Variants in PRR12 observed in about 807,000 individuals in gnomAD.
PRR12 encodes proline rich 12.
PRR12 carries 12 observed loss-of-function variants against 138.0 expected under a neutral mutation model. The observed-to-expected ratio is 0.09, with a 90% CI of 0.06 to 0.14. The LOEUF is 0.14. Among genes scored for constraint, PRR12 ranks in the 10% least tolerant of loss-of-function variants. The probability of loss-of-function intolerance (pLI) is 1.00; values close to 1 mark genes in which losing one functional copy is unlikely to be tolerated. For synonymous variants in PRR12, 1,567 were observed against 1,291.7 expected (o/e 1.21, Z -4.57); for missense variants, 2,692 against 2,861.3 (o/e 0.94, Z 1.35).
In PRR12 at chr19:49,616,001, C is replaced by T. The variant is rs933930411; in HGVS notation, c.5279C>T (p.Thr1760Ile). The part of the protein sequence containing the change: ...GERPLRGERA[T>I]SGRQTRPERS... The stretch of plus-strand genomic sequence containing the variant: ...CGGCCATTGCGGGGTGAGCGGGCCA[C>T]CAGCGGACGGCAGACACGGCCAGAG... The change falls in exon 9 of 14, where the codon ACC (threonine) becomes ATC (isoleucine). Residue 1760 changes from threonine (T) to isoleucine (I), a missense_variant. Physicochemically the swap from Thr to Ile is moderately conservative, Grantham distance 89. Coordinates refer to ENST00000418929, the MANE Select transcript of PRR12 (RefSeq NM_020719.3). This position sits in a 1 kb window ranked among gnomAD's most constrained non-coding sequence, Gnocchi z 4.2. 1.9e-6 allele frequency: 3 copies of T among 1,552,996 alleles called. No homozygotes were observed. Among genetic ancestry groups the T allele is most frequent in the Non-Finnish European group, 2.6e-6 (3 of 1,147,856 alleles).
At position 49,594,628 on chromosome 19, in the gene PRR12, C is replaced by A. The variant is rs1265489582; in HGVS notation, c.361+13C>A. The A allele has an allele frequency of 6.2e-7, 1 of 1,611,402 alleles. No individual in the cohort carries two copies. The highest frequency in any genetic ancestry group is 1.3e-5 in the African/African-American group (1 of 74,866). On this transcript the variant is annotated intron_variant, in intron 3 of 13. Transcript: ENST00000418929. This position sits in a 1 kb window ranked among gnomAD's most constrained non-coding sequence, Gnocchi z 5.6. ...TCCTGGCAAACAGGTAAGCCCAGCG[C>A]CGGCCCTGCAGGGCCAGGGTGGGAC...
At position 49,593,452 on chromosome 19, in the gene PRR12, T is replaced by G; in HGVS notation, c.199+13T>G. 3 of 1,231,150 alleles carry G rather than the reference T, an allele frequency of 2.4e-6. No individual in the cohort carries two copies. The highest frequency in any genetic ancestry group is 3.3e-6 in the Non-Finnish European group (3 of 896,160). The allele number at this position is 1,231,150 out of a possible 1,614,324, so 76.3% of individuals were successfully genotyped here. A position where few individuals can be genotyped will look rare whatever the true frequency, so the allele number is the denominator to read the frequency against. Reference sequence around the variant, plus strand: ...CACCACCCGGCAGGTACGGCCCCCATCCCGCCCCGCTTTGGGCTGGCCCTC... The same window carrying G: ...CACCACCCGGCAGGTACGGCCCCCAGCCCGCCCCGCTTTGGGCTGGCCCTC... On this transcript the variant is annotated intron_variant, in intron 2 of 13. Coordinates refer to ENST00000418929, the MANE Select transcript of PRR12 (RefSeq NM_020719.3).
chr19:49,619,832 T>C (rs2080912502), intron 9 of PRR12, among the ~76,000 whole-genome samples: 1 of 146,802 alleles, frequency 6.8e-6, no homozygotes, highest in Non-Finnish European at 1.5e-5. Context: ...CACAGCACTT[T>C]ATGGGCTACA....
intron 5 of PRR12, 148 bp downstream of exon 5, chr19:49,600,086 C>T: frequency 2.0e-6 from 2 of 978,808 alleles, no homozygotes; most frequent in Non-Finnish European, 2.9e-6. Context: ...TTCCTGATTA[C>T]ACAAGCATTT....
intron 6 of PRR12, among the ~76,000 whole-genome samples, chr19:49,607,361 G>GCACGCACACACACACACACACACACA (rs2080844097): frequency 6.8e-6 from 1 of 147,760 alleles, no homozygotes; most frequent in Admixed American, 6.7e-5. Context: ...ATGTACGTGT[G>GCACGCACACACACACACACACACACA]CACACACACA....
rs1459801467 is a variant in PRR12, at chr19:49,596,293, C to T, written c.1958C>T (p.Pro653Leu). The change falls in exon 4 of 14, where the codon CCT (proline) becomes CTT (leucine). Residue 653 changes from proline (P) to leucine (L), a missense_variant. Pro to Leu is a moderately conservative substitution (Grantham distance 98, BLOSUM62 -3). Around this residue, in one of 11 missense-constraint regions of PRR12, gnomAD observed 840 missense variants for 689.8 expected, o/e 1.22. Transcript: ENST00000418929. This position sits in a 1 kb window ranked among gnomAD's most constrained non-coding sequence, Gnocchi z 5.6. ...CACCTCTTGCAGGCGCCCAGCCCTC[C>T]TCGGACCTCAGGGGCGGACGGCTTG... is the stretch of plus-strand genomic sequence containing the variant. The part of the protein sequence containing the change: ...IQHLLQAPSP[P>L]RTSGADGLVG... The T allele has an allele frequency of 1.2e-6, 2 of 1,611,434 alleles. No individual in the cohort carries two copies. Among genetic ancestry groups the T allele is most frequent in the East Asian group, 2.2e-5 (1 of 44,846 alleles).
In PRR12 at chr19:49,601,852, C is replaced by A; in HGVS notation, c.4707C>A (p.Gly1569=). ...CGGACGAGGAGGCCGGCGAGAGTGG[C>A]GGAGAGGGCATCTTCCGGGAACGGG... ...GETDEEAGES[G]GEGIFRERDE... The change falls in exon 6 of 14, where the codon GGC becomes GGA. Residue 1569 remains glycine, a synonymous_variant. Transcript: ENST00000418929. The A allele has an allele frequency of 3.7e-6, 6 of 1,612,726 alleles. No homozygotes were observed. The highest frequency in any genetic ancestry group is 5.1e-6 in the Non-Finnish European group (6 of 1,179,856).
Position 49,597,037 on chromosome 19 carries a change from C to T in PRR12, c.2702C>T (p.Pro901Leu), listed in dbSNP as rs547414671. 6.4e-7 allele frequency: 1 copy of T among 1,556,924 alleles called. No individual in the cohort carries two copies. The highest frequency in any genetic ancestry group is 8.7e-7 in the Non-Finnish European group (1 of 1,152,126). ...GCGCCTGGGGATACTGGCGTAGGCC[C>T]ACCAAACTCGGAGGGCAAGGATCCC... Reference protein sequence around the residue: ...PPAPGDTGVGPPNSEGKDPAG... With the variant: ...PPAPGDTGVGLPNSEGKDPAG... The change falls in exon 4 of 14, where the codon CCA becomes CTA. Residue 901 changes from proline (P) to leucine (L), a missense_variant. Pro to Leu is a moderately conservative substitution (Grantham distance 98). Coordinates refer to ENST00000418929, the MANE Select transcript of PRR12 (RefSeq NM_020719.3). This position sits in a 1 kb window ranked among gnomAD's most constrained non-coding sequence, Gnocchi z 6.3.
intron 4 of PRR12, among the ~76,000 whole-genome samples, chr19:49,598,800 G>C (rs914749747): frequency 6.6e-6 from 1 of 152,190 alleles, no homozygotes; most frequent in Non-Finnish European, 1.5e-5. Flanking sequence ...CTGGGCCACA[G>C]AGTGAGACCC....
Position 49,596,945 on chromosome 19 carries a change from C to G in PRR12, c.2610C>G (p.Pro870=), listed in dbSNP as rs763628902. 21 of 1,550,396 alleles carry G rather than the reference C, an allele frequency of 1.4e-5. No homozygotes were observed. Among genetic ancestry groups the G allele is most frequent in the Admixed American group, 1.9e-5 (1 of 51,752 alleles). Residue 870 remains proline (P), a synonymous_variant, in exon 4 of 14, where the codon CCC becomes CCG. Transcript: ENST00000418929. The surrounding 1 kb of genome is among the most constrained non-coding windows in gnomAD (Gnocchi z 5.6). Reference sequence around the variant, plus strand: ...CGGCCCCCAGCCCCCGCCTGCGACCCGAGGAGAGCCTGGATCCGCCAGGCG... The same window carrying G: ...CGGCCCCCAGCCCCCGCCTGCGACCGGAGGAGAGCCTGGATCCGCCAGGCG... ...EPAAPSPRLR[P]EESLDPPGAM... is the part of the protein sequence containing the mutation.
rs748333466 is a variant in PRR12 at position 49,599,254 on chromosome 19, C to T, written c.3679-18C>T. On this transcript the variant is annotated intron_variant, in intron 4 of 13. Transcript: ENST00000418929. This position sits in a 1 kb window ranked among gnomAD's most constrained non-coding sequence, Gnocchi z 5.0. ...CCCAGGCTACTGGGCCCTCACGGCCCGCCACTCCCATGTCTAGATCAAGCT... is the reference window on the plus strand; with the variant it reads ...CCCAGGCTACTGGGCCCTCACGGCCTGCCACTCCCATGTCTAGATCAAGCT... 36 of 1,547,488 alleles carry T rather than the reference C, an allele frequency of 2.3e-5. No individual in the cohort carries two copies. The highest frequency in any genetic ancestry group is 1.5e-4 in the African/African-American group (11 of 72,926).
chr19:49,600,095 T>C (rs2080801804), intron 5 of PRR12, among the ~76,000 whole-genome samples, 157 bp downstream of exon 5: 1 of 152,146 alleles, frequency 6.6e-6, no homozygotes. Flanking sequence ...ACACAAGCAT[T>C]TTGAGGAAGG....
At chr19:49,610,650 T>C (rs1439222357) in intron 6 of PRR12, among the ~76,000 whole-genome samples, 2 of 150,766 alleles carry the variant, frequency 1.3e-5, no homozygotes, top group Non-Finnish European at 2.9e-5. Context: ...CACGCCATTC[T>C]CCTGCCTCAG....
In PRR12 at chr19:49,595,457, GGGTGGT is replaced by G. The variant is rs769925312; in HGVS notation, c.1128_1133del (p.Gly378_Gly379del). The G allele has an allele frequency of 1.2e-5, 18 of 1,549,188 alleles. No individual in the cohort carries two copies. In the South Asian group the frequency reaches 2.1e-4, roughly 18 times the overall value. On this transcript the variant is annotated inframe_deletion, in exon 4 of 14. Coordinates refer to ENST00000418929, the MANE Select transcript of PRR12 (RefSeq NM_020719.3). Reference sequence around the variant, plus strand: ...AGGCAGCAGGGGGCGGTGGGGCTGGGGGTGGTGGTGGAGGTTACCGCCCCATCATTC... The same window carrying G: ...AGGCAGCAGGGGGCGGTGGGGCTGGGGGTGGAGGTTACCGCCCCATCATTC...
chr19:49,619,754 C>T (rs1383127404), intron 9 of PRR12, among the ~76,000 whole-genome samples: 5 of 150,232 alleles, frequency 3.3e-5, no homozygotes, highest in African/African-American at 1.2e-4. Flanking sequence ...GTTGGTCAGG[C>T]TGGTCTCCAA....
In PRR12 at chr19:49,594,026, C is replaced by G. The variant is rs1370043541; in HGVS notation, c.200-428C>G. ...CCATCTTTTTTTCTGAACCCTCCCACTTAGCTCAATCCTTTCTGACACGTT... is the reference window on the plus strand; with the variant it reads ...CCATCTTTTTTTCTGAACCCTCCCAGTTAGCTCAATCCTTTCTGACACGTT... On this transcript the variant is annotated intron_variant, in intron 2 of 13. Transcript: ENST00000418929. This position sits in a 1 kb window ranked among gnomAD's most constrained non-coding sequence, Gnocchi z 5.6. Among the ~76,000 whole-genome samples, 1 of 152,132 alleles carries G rather than the reference C, an allele frequency of 6.6e-6. No homozygotes were observed. The highest frequency in any genetic ancestry group is 1.5e-5 in the Non-Finnish European group (1 of 68,032).
At chr19:49,613,284 G>A (rs147819659) in intron 6 of PRR12, among the ~76,000 whole-genome samples, 4,327 of 146,418 alleles carry the variant, frequency 0.03, 75 homozygotes, top group South Asian at 0.11. Flanking sequence ...GCAGTGAGCC[G>A]AGATTGCGCC....
Position 49,596,660 on chromosome 19 carries a change from G to A in PRR12, c.2325G>A (p.Gln775=), listed in dbSNP as rs746599126. ...PPPPPTAQST[Q]PTPHGLLLEA... ...CACCTCCCACGGCCCAGTCTACCCA[G>A]CCCACTCCCCATGGCCTCCTTCTGG... The change falls in exon 4 of 14, where the codon CAG becomes CAA. Residue 775 remains glutamine (Q), a synonymous_variant. Transcript: ENST00000418929. The surrounding 1 kb of genome is among the most constrained non-coding windows in gnomAD (Gnocchi z 5.6). The A allele has an allele frequency of 8.1e-6, 13 of 1,603,664 alleles. No individual in the cohort carries two copies. Among genetic ancestry groups the A allele is most frequent in the South Asian group, 6.6e-5 (6 of 90,430 alleles).
At position 49,596,659 on chromosome 19, in the gene PRR12, A is replaced by G. The variant is rs779774419; in HGVS notation, c.2324A>G (p.Gln775Arg). Reference protein sequence around the residue: ...PPPPPTAQSTQPTPHGLLLEA... With the variant: ...PPPPPTAQSTRPTPHGLLLEA... Reference sequence around the variant, plus strand: ...CCACCTCCCACGGCCCAGTCTACCCAGCCCACTCCCCATGGCCTCCTTCTG... The same window carrying G: ...CCACCTCCCACGGCCCAGTCTACCCGGCCCACTCCCCATGGCCTCCTTCTG... The change falls in exon 4 of 14, where the codon CAG becomes CGG. Residue 775 changes from glutamine to arginine, a missense_variant. Around this residue, in one of 11 missense-constraint regions of PRR12, gnomAD observed 840 missense variants for 689.8 expected, o/e 1.22. Coordinates refer to ENST00000418929, the MANE Select transcript of PRR12 (RefSeq NM_020719.3). This position sits in a 1 kb window ranked among gnomAD's most constrained non-coding sequence, Gnocchi z 5.6. 2.0e-5 allele frequency: 32 copies of G among 1,601,950 alleles called. No individual in the cohort carries two copies. The highest frequency in any genetic ancestry group is 2.5e-5 in the Non-Finnish European group (29 of 1,176,862).
Sources: allele counts gnomAD v4.1 joint callset (sites outside exome capture counted in the v4.1 genomes callset), GRCh38; gene constraint gnomAD v4.1.1; regional missense constraint gnomAD v4.1.1; non-coding constraint Gnocchi (gnomAD v3.1); transcripts MANE v1.5; gene names NCBI Gene and HGNC (gene_info 2026-07-23, HGNC 2026-07-21).